Variants in P4HA3 observed in about 807,000 individuals in gnomAD.
The protein encoded by P4HA3 is prolyl 4-hydroxylase subunit alpha 3.
Under a neutral mutation model 66.7 loss-of-function variants are expected in P4HA3, and 60 were observed. The observed-to-expected ratio is 0.90, with a 90% CI of 0.73 to 1.12. P4HA3 has a LOEUF of 1.12. Among genes scored for constraint, P4HA3 ranks in the 50% most tolerant of loss-of-function variants. The pLI, the probability that P4HA3 is intolerant of heterozygous loss-of-function variation, is 0.00. For synonymous variants in P4HA3, 263 were observed against 274.6 expected, an observed-to-expected ratio of 0.96 and a Z score of 0.42; for missense variants, 683 against 685.8, an observed-to-expected ratio of 1.00 and a Z score of 0.05.
chr11:74,269,754 C>T, intron 10 of P4HA3, 34 bp from the exon 11 acceptor site: 2 of 1,602,256 alleles, frequency 1.2e-6, no homozygotes. Flanking sequence ...AGAGTTAAAA[C>T]TGCCACCGAC....
At chr11:74,298,131 A>G in intron 4 of P4HA3, 81 bp downstream of exon 4, 1 of 1,509,662 alleles carries the variant, frequency 6.6e-7, no homozygotes, top group Non-Finnish European at 8.9e-7. Context: ...TGAAGACATG[A>G]AAATACTTAG....
rs185995623 is a variant in P4HA3, at chr11:74,274,252, G to A, written c.1336-645C>T. Among the ~76,000 whole-genome samples the A allele has an allele frequency of 3.3e-3, 498 of 149,912 alleles. 3 individuals are homozygous for A. In the Middle Eastern group the frequency reaches 0.035, roughly 11 times the overall value. Reference sequence around the variant, plus strand: ...CAGATATATCAAAATTTGTTTATCCGTTCACCTGTTGACAGACATCTGGGC... The same window carrying A: ...CAGATATATCAAAATTTGTTTATCCATTCACCTGTTGACAGACATCTGGGC... On this transcript the variant is annotated intron_variant, in intron 9 of 12. Coordinates refer to ENST00000331597, the MANE Select transcript of P4HA3 (RefSeq NM_182904.5).
intron 9 of P4HA3, among the ~76,000 whole-genome samples, chr11:74,274,099 A>G (rs1322666056): frequency 6.6e-6 from 1 of 152,022 alleles, no homozygotes; most frequent in Non-Finnish European, 1.5e-5. Flanking sequence ...CCACAATTGA[A>G]GTTTAGAACA....
intron 5 of P4HA3, among the ~76,000 whole-genome samples, chr11:74,288,330 A>G (rs1591115139): frequency 2.6e-5 from 4 of 152,182 alleles, no homozygotes; most frequent in Admixed American, 2.0e-4. Flanking sequence ...GGAAAAACTG[A>G]TATCTCCCTG....
chr11:74,281,835 T>G (rs1225777164), intron 7 of P4HA3, among the ~76,000 whole-genome samples: 1 of 150,540 alleles, frequency 6.6e-6, no homozygotes, highest in Non-Finnish European at 1.5e-5. Flanking sequence ...GTAACTAACC[T>G]GCACAATGTG....
chr11:74,291,804 C>T (rs1861037051), intron 4 of P4HA3, among the ~76,000 whole-genome samples: 1 of 152,078 alleles, frequency 6.6e-6, no homozygotes, highest in Non-Finnish European at 1.5e-5. Context: ...CCCACTTGGT[C>T]ATGGTGGATA....
chr11:74,296,165 A>G (rs1861206263), intron 4 of P4HA3, among the ~76,000 whole-genome samples: 1 of 152,218 alleles, frequency 6.6e-6, no homozygotes, highest in Non-Finnish European at 1.5e-5. Flanking sequence ...TGCCTGTATT[A>G]GCTCACTCAA....
chr11:74,273,787 T>C (rs1029017442), intron 9 of P4HA3, among the ~76,000 whole-genome samples, 180 bp from the exon 10 acceptor site: 5 of 152,100 alleles, frequency 3.3e-5, no homozygotes, highest in Admixed American at 6.6e-5. Context: ...TACAATTTTT[T>C]TTTTTACTAA....
chr11:74,306,513 G>A (rs1184976476), intron 1 of P4HA3, among the ~76,000 whole-genome samples: 6 of 152,152 alleles, frequency 3.9e-5, no homozygotes, highest in Non-Finnish European at 8.8e-5. Flanking sequence ...AAGAATGGAA[G>A]TAGAAGAAAA....
At chr11:74,284,157 C>T (rs556976849) in intron 7 of P4HA3, among the ~76,000 whole-genome samples, 2 of 152,350 alleles carry the variant, frequency 1.3e-5, no homozygotes, top group African/African-American at 4.8e-5. Context: ...AAAGAGGCAA[C>T]ATGCTTATAG....
chr11:74,279,165 C>G (rs902253936), intron 8 of P4HA3, among the ~76,000 whole-genome samples: 2 of 152,320 alleles, frequency 1.3e-5, no homozygotes, highest in Admixed American at 6.5e-5. Context: ...GGAGCTCTTC[C>G]AAGTCTCTCT....
intron 4 of P4HA3, among the ~76,000 whole-genome samples, chr11:74,296,934 CTTTTTTT>C (rs540922878): frequency 8.1e-5 from 10 of 123,904 alleles, no homozygotes; most frequent in Admixed American, 1.7e-4. Context: ...TTCTTTTTTT[CTTTTTTT>C]TTTTTTTTTG....
intron 11 of P4HA3, among the ~76,000 whole-genome samples, 158 bp from the exon 12 acceptor site, chr11:74,268,399 C>T (rs1216977493): frequency 6.6e-6 from 1 of 152,220 alleles, no homozygotes; most frequent in Non-Finnish European, 1.5e-5. Flanking sequence ...GCATAAGTTG[C>T]CATTTACTCC....
At chr11:74,264,519 G>C (rs979448348), downstream of P4HA3, among the ~76,000 whole-genome samples, 1 of 152,096 alleles carries the variant, frequency 6.6e-6, no homozygotes, top group East Asian at 1.9e-4. Context: ...TGGCCACATG[G>C]TTTCATGATG....
At chr11:74,289,512 G>A (rs1317578745) in intron 4 of P4HA3, among the ~76,000 whole-genome samples, 1 of 151,834 alleles carries the variant, frequency 6.6e-6, no homozygotes, top group African/African-American at 2.4e-5. Context: ...TGTTACATAT[G>A]TATACATGTG....
At chr11:74,260,475 G>A (rs1859889919) in intron 14 of P4HA3, among the ~76,000 whole-genome samples, 1 of 152,178 alleles carries the variant, frequency 6.6e-6, no homozygotes, top group South Asian at 2.1e-4. Flanking sequence ...ACAATTGGGA[G>A]GGGGGCCCCT....
At chr11:74,286,044 T>G in intron 6 of P4HA3, 59 bp from the exon 7 acceptor site, 2 of 1,534,920 alleles carry the variant, frequency 1.3e-6, no homozygotes, top group Non-Finnish European at 1.8e-6. Flanking sequence ...AAAACTCAAC[T>G]TAGGGGAACT....
intron 4 of P4HA3, among the ~76,000 whole-genome samples, chr11:74,291,646 T>C (rs1193983671): frequency 6.6e-6 from 1 of 152,234 alleles, no homozygotes. Flanking sequence ...TGAGAGTTTT[T>C]AGCATGAAGG....
At chr11:74,301,897 C>T (rs545763122) in intron 3 of P4HA3, among the ~76,000 whole-genome samples, 6 of 152,214 alleles carry the variant, frequency 3.9e-5, no homozygotes, top group African/African-American at 1.2e-4. Context: ...AGGCTGTTTC[C>T]GTGATCTTAC....
Sources: gnomAD v4.1 joint callset for allele counts (sites outside exome capture counted in the v4.1 genomes callset) on GRCh38, gnomAD v4.1.1 for gene constraint, MANE v1.5 for transcripts, NCBI Gene and HGNC (gene_info 2026-07-23, HGNC 2026-07-21) for gene names.